The following CDH12 variants were observed in gnomAD, a reference collection of about 807,000 sequenced individuals.
CDH12 encodes the protein cadherin-12.
CDH12 carries 41 observed loss-of-function variants against 74.1 expected under a neutral mutation model. The ratio of observed to expected loss-of-function variants is 0.55; its 90% CI spans 0.43 to 0.72. The LOEUF is 0.72. CDH12 is among the 30% of genes least tolerant of loss of function. CDH12 has a pLI of 0.00. For synonymous variants in CDH12, 399 were observed against 355.0 expected (o/e 1.12, Z -1.39); for missense variants, 945 against 977.2 (o/e 0.97, Z 0.44).
At chr5:22,286,418 A>T (rs1737136871) in intron 3 of CDH12, among the ~76,000 whole-genome samples, 1 of 152,194 alleles carries the variant, frequency 6.6e-6, no homozygotes, top group South Asian at 2.1e-4. Context: ...TAGCACTTCA[A>T]CTACATAAAC....
intron 6 of CDH12, among the ~76,000 whole-genome samples, chr5:21,928,079 A>T (rs1246389458): frequency 1.3e-5 from 2 of 152,102 alleles, no homozygotes; most frequent in Admixed American, 6.5e-5. Context: ...CTAAAAAAAA[A>T]ATAAAAGAAT....
chr5:22,368,918 C>T (rs1741151342), intron 3 of CDH12, among the ~76,000 whole-genome samples: 1 of 152,046 alleles, frequency 6.6e-6, no homozygotes. Flanking sequence ...CACTTGAGGT[C>T]AGGAGTTCAA....
chr5:22,474,470 T>C (rs917588757), intron 2 of CDH12, among the ~76,000 whole-genome samples: 1 of 152,064 alleles, frequency 6.6e-6, no homozygotes, highest in African/African-American at 2.4e-5. Flanking sequence ...AACTGAGTGG[T>C]CAAATAGACA....
At chr5:21,756,153 AG>A (rs1744385454) in intron 13 of CDH12, among the ~76,000 whole-genome samples, 1 of 152,178 alleles carries the variant, frequency 6.6e-6, no homozygotes, top group Non-Finnish European at 1.5e-5. Flanking sequence ...ATTAAAAAAT[AG>A]TTTTGTAAAT....
At chr5:22,055,681 T>C (rs1010357568) in intron 5 of CDH12, among the ~76,000 whole-genome samples, 4 of 152,164 alleles carry the variant, frequency 2.6e-5, no homozygotes. Context: ...CACTTAATAT[T>C]CATTCATTCA....
chr5:21,873,384 G>A (rs1470455213), intron 6 of CDH12, among the ~76,000 whole-genome samples: 1 of 152,074 alleles, frequency 6.6e-6, no homozygotes, highest in Non-Finnish European at 1.5e-5. Context: ...ACATATGCTG[G>A]GAACTTCTAG....
At position 22,078,437 on chromosome 5, in the gene CDH12, C is replaced by A; in HGVS notation, c.231+9G>T. Reference sequence around the variant, plus strand: ...TATCAAGCGGTTGTCAAAAGAAATACGCCATTACCTTTCCCACATACTGAG... The same window carrying A: ...TATCAAGCGGTTGTCAAAAGAAATAAGCCATTACCTTTCCCACATACTGAG... On this transcript the variant is annotated intron_variant, in intron 5 of 14. Coordinates refer to ENST00000382254, the MANE Select transcript of CDH12 (RefSeq NM_004061.5). 6.2e-7 allele frequency: 1 copy of A among 1,611,724 alleles called. No homozygotes were observed. Among genetic ancestry groups the A allele is most frequent in the African/African-American group, 1.3e-5 (1 of 74,920 alleles).
chr5:21,775,284 G>C (rs1464339100), intron 11 of CDH12, among the ~76,000 whole-genome samples: 2 of 152,190 alleles, frequency 1.3e-5, no homozygotes, highest in Admixed American at 6.5e-5. Context: ...TAGTCACCCA[G>C]GTGAATACAC....
intron 7 of CDH12, among the ~76,000 whole-genome samples, chr5:21,849,490 T>C (rs1286607915): frequency 1.3e-5 from 2 of 151,834 alleles, no homozygotes; most frequent in East Asian, 3.9e-4. Context: ...TTTATCTTAA[T>C]AATTATTTAT....
intron 1 of CDH12, among the ~76,000 whole-genome samples, chr5:22,525,350 T>C (rs1235936915): frequency 6.6e-6 from 1 of 152,110 alleles, no homozygotes; most frequent in Non-Finnish European, 1.5e-5. Context: ...CAAGTTACAC[T>C]CAGTAGAATG....
chr5:21,938,225 A>G (rs1278331647), intron 6 of CDH12, among the ~76,000 whole-genome samples: 4 of 151,970 alleles, frequency 2.6e-5, no homozygotes, highest in Admixed American at 1.3e-4. Context: ...ATGGCTGGGG[A>G]TAAATTTAAT....
At chr5:22,206,458 T>C (rs922200285) in intron 4 of CDH12, among the ~76,000 whole-genome samples, 2 of 152,064 alleles carry the variant, frequency 1.3e-5, no homozygotes, top group Non-Finnish European at 2.9e-5. Context: ...GAATCAACTG[T>C]ATATGTCTCA....
At chr5:21,833,031 T>TATATAATATATATTATATGTTATATAAC (rs1561224448) in intron 8 of CDH12, among the ~76,000 whole-genome samples, 1 of 56,286 alleles carries the variant, frequency 1.8e-5, no homozygotes, top group Non-Finnish European at 3.0e-5. Flanking sequence ...TAATATATAA[T>TATATAATATATATTATATGTTATATAAC]ATATAATATA....
chr5:22,228,283 G>T (rs1251418782), intron 3 of CDH12, among the ~76,000 whole-genome samples: 1 of 151,904 alleles, frequency 6.6e-6, no homozygotes. Context: ...ATTTGAAAAA[G>T]ACATTGGCCA....
intron 1 of CDH12, among the ~76,000 whole-genome samples, chr5:22,615,747 A>G (rs1190807633): frequency 2.0e-5 from 3 of 152,164 alleles, no homozygotes; most frequent in Non-Finnish European, 4.4e-5. Context: ...AGTACAAGCT[A>G]CACTGCCAAT....
At position 22,524,504 on chromosome 5, in the gene CDH12, ATAC is replaced by A. The variant is rs570308009; in HGVS notation, c.-522-19143_-522-19141del. 5.7e-3 allele frequency among the ~76,000 whole-genome samples: 868 copies of A among 152,278 alleles called. 3 individuals carry two copies. Among genetic ancestry groups the A allele is most frequent in the Non-Finnish European group, 1.0e-2 (679 of 68,024 alleles). On this transcript the variant is annotated intron_variant, in intron 1 of 14. Coordinates refer to ENST00000382254, the MANE Select transcript of CDH12 (RefSeq NM_004061.5). Reference sequence around the variant, plus strand: ...CGGCCAAGCACTGAAACTGTACACTATACTACTTGTAAACGTGTGACATGCATA... The same window carrying A: ...CGGCCAAGCACTGAAACTGTACACTATACTTGTAAACGTGTGACATGCATA...
intron 1 of CDH12, among the ~76,000 whole-genome samples, chr5:22,785,939 T>C (rs1747601735): frequency 6.6e-6 from 1 of 152,180 alleles, no homozygotes; most frequent in Non-Finnish European, 1.5e-5. Flanking sequence ...AGAAATATCA[T>C]TTGACTCAGC....
intron 1 of CDH12, among the ~76,000 whole-genome samples, chr5:22,562,807 A>G (rs1739116812): frequency 1.3e-5 from 2 of 150,548 alleles, no homozygotes. Context: ...TTATTTTATA[A>G]TCTATTATGT....
At chr5:22,434,963 C>T (rs1233709571) in intron 2 of CDH12, among the ~76,000 whole-genome samples, 1 of 152,104 alleles carries the variant, frequency 6.6e-6, no homozygotes, top group Non-Finnish European at 1.5e-5. Flanking sequence ...TCCAAGCTGT[C>T]CTTGTTCATT....
Sources: allele counts gnomAD v4.1 joint callset (sites outside exome capture counted in the v4.1 genomes callset), GRCh38; gene constraint gnomAD v4.1.1; transcripts MANE v1.5; gene names NCBI Gene and HGNC (gene_info 2026-07-23, HGNC 2026-07-21).